The following ARFGEF1 variants were observed in gnomAD, a reference collection of about 807,000 sequenced individuals.
ARFGEF1 encodes brefeldin A-inhibited guanine nucleotide-exchange protein 1.
ARFGEF1 carries 42 observed loss-of-function variants against 231.0 expected under a neutral mutation model. The ratio of observed to expected loss-of-function variants is 0.18; its 90% CI spans 0.14 to 0.24. ARFGEF1 has a LOEUF of 0.24. ARFGEF1 is among the 10% of genes least tolerant of loss of function. The pLI is 1.00. For synonymous variants in ARFGEF1, 710 were observed against 732.3 expected (o/e 0.97, Z 0.49); for missense variants, 1,345 against 2,192.0 (o/e 0.61, Z 7.72).
downstream of ARFGEF1, chr8:67,197,648 G>T: frequency 5.1e-6 from 5 of 985,734 alleles, no homozygotes; most frequent in Non-Finnish European, 6.0e-6. Context: ...ATGGGGGTGG[G>T]TTATACAGGT....
chr8:67,270,412 C>G (rs1805028811), intron 10 of ARFGEF1, among the ~76,000 whole-genome samples: 1 of 152,066 alleles, frequency 6.6e-6, no homozygotes, highest in Non-Finnish European at 1.5e-5. Context: ...CTATTTTAGC[C>G]ATTTCGAAAT....
intron 1 of ARFGEF1, among the ~76,000 whole-genome samples, chr8:67,335,293 G>C (rs1466856601): frequency 6.6e-6 from 1 of 151,940 alleles, no homozygotes; most frequent in African/African-American, 2.4e-5. Flanking sequence ...TTTTAGTAGA[G>C]ACGGGGTTTC....
chr8:67,221,783 C>T (rs1265776518), intron 29 of ARFGEF1, among the ~76,000 whole-genome samples: 3 of 151,602 alleles, frequency 2.0e-5, no homozygotes, highest in Non-Finnish European at 4.4e-5. Flanking sequence ...ATGGTAAGTG[C>T]CCTATATGGG....
rs534314223 is a variant in ARFGEF1, at chr8:67,216,362, C to T, written c.4686+228G>A. On this transcript the variant is annotated intron_variant, in intron 33 of 38. Transcript: ENST00000262215. ...CTTCCACCACGTGAGAATGCAGCAA[C>T]GTGGTGCCATCTTGGAAGCAGAGAG... Among the ~76,000 whole-genome samples the T allele has an allele frequency of 2.0e-5, 3 of 152,142 alleles. No individual in the cohort carries two copies. In the East Asian group the frequency reaches 5.8e-4, roughly 29 times the overall value.
intron 29 of ARFGEF1, among the ~76,000 whole-genome samples, chr8:67,222,962 G>A (rs1379558788): frequency 1.3e-5 from 2 of 152,196 alleles, no homozygotes; most frequent in Non-Finnish European, 1.5e-5. Context: ...TGTGCAGGTT[G>A]TACCCAAGGA....
In ARFGEF1 at chr8:67,238,932, T is replaced by C. The variant is rs1205360554; in HGVS notation, c.2980-39A>G. The stretch of plus-strand genomic sequence containing the variant: ...AAAAGTATGTTTACACAGTTCTAAA[T>C]AGAGCAGACTGATTAATTCCCCACC... On this transcript the variant is annotated intron_variant, in intron 20 of 38. Coordinates refer to ENST00000262215, the MANE Select transcript of ARFGEF1 (RefSeq NM_006421.5). 4.0e-6 allele frequency: 6 copies of C among 1,494,588 alleles called. No homozygotes were observed. In the South Asian group the frequency reaches 5.2e-5, roughly 13 times the overall value. The allele number at this position is 1,494,588 out of a possible 1,614,324, so 92.6% of individuals were successfully genotyped here.
At chr8:67,243,161 C>CAT (rs1367568794) in intron 19 of ARFGEF1, among the ~76,000 whole-genome samples, 5 of 152,206 alleles carry the variant, frequency 3.3e-5, no homozygotes, top group Admixed American at 3.3e-4. Context: ...GCAAGAACTA[C>CAT]AGAGTCTGCA....
intron 1 of ARFGEF1, 77 bp downstream of exon 1, chr8:67,343,087 G>GTGC: frequency 2.1e-6 from 2 of 971,350 alleles, no homozygotes; most frequent in Non-Finnish European, 3.0e-6. Context: ...AGCCCCGGGC[G>GTGC]ACCCCACCCC....
intron 20 of ARFGEF1, among the ~76,000 whole-genome samples, chr8:67,239,204 C>T (rs1035045633): frequency 6.6e-6 from 1 of 151,866 alleles, no homozygotes; most frequent in South Asian, 2.1e-4. Context: ...GACGGGGTTT[C>T]ACCATGTTGG....
intron 6 of ARFGEF1, among the ~76,000 whole-genome samples, chr8:67,290,139 A>G (rs1184288066): frequency 1.3e-5 from 2 of 152,242 alleles, no homozygotes; most frequent in South Asian, 4.1e-4. Flanking sequence ...TATATCAGCT[A>G]TTGGGAGAAA....
At chr8:67,199,815 G>T (rs1036754227) in intron 38 of ARFGEF1, 1 of 167,366 alleles carries the variant, frequency 6.0e-6, no homozygotes, top group African/African-American at 2.4e-5. Context: ...TGAGCTGTAA[G>T]TTGCTATTTT....
At chr8:67,305,400 TTTTG>T (rs750879972) in intron 1 of ARFGEF1, among the ~76,000 whole-genome samples, 3 of 151,918 alleles carry the variant, frequency 2.0e-5, no homozygotes, top group Admixed American at 1.3e-4. Context: ...CTCTAGTTGT[TTTTG>T]TTTGTTTTTG....
chr8:67,328,210 T>A (rs995601828), intron 1 of ARFGEF1, among the ~76,000 whole-genome samples: 2 of 152,218 alleles, frequency 1.3e-5, no homozygotes, highest in Non-Finnish European at 2.9e-5. Flanking sequence ...GTACCTAGGC[T>A]GAAACTGTTA....
chr8:67,184,943 CAAAAAAAA>C (rs796384901), intron 5 of ARFGEF1, among the ~76,000 whole-genome samples: 4 of 56,086 alleles, frequency 7.1e-5, no homozygotes, highest in African/African-American at 2.0e-4. Context: ...ACTAAAAATA[CAAAAAAAA>C]AAAAAAAAAA....
At chr8:67,250,198 A>G (rs1840235965) in intron 19 of ARFGEF1, among the ~76,000 whole-genome samples, 1 of 152,172 alleles carries the variant, frequency 6.6e-6, no homozygotes, top group Non-Finnish European at 1.5e-5. Context: ...GCTTCAAGTA[A>G]GAAGCTGGCA....
intron 25 of ARFGEF1, 54 bp from the exon 26 acceptor site, chr8:67,227,652 A>G (rs1236940293): frequency 6.4e-7 from 1 of 1,558,918 alleles, no homozygotes; most frequent in African/African-American, 1.4e-5. Flanking sequence ...GTAAAAATCT[A>G]CAATTCTTTA....
intron 5 of ARFGEF1, among the ~76,000 whole-genome samples, chr8:67,189,079 A>G (rs1414421028): frequency 6.6e-6 from 1 of 152,138 alleles, no homozygotes; most frequent in Non-Finnish European, 1.5e-5. Context: ...ATACCACCAC[A>G]TACCTGCTAG....
Position 67,197,797 on chromosome 8 carries a change from T to C in ARFGEF1, c.*1137A>G. 1 of 985,896 alleles carries C rather than the reference T, an allele frequency of 1.0e-6. No homozygotes were observed. The highest frequency in any genetic ancestry group is 1.2e-6 in the Non-Finnish European group (1 of 829,922). 61.1% of individuals were successfully genotyped at this position (985,896 alleles called of 1,614,324 possible). On this transcript the variant is annotated 3_prime_UTR_variant, in exon 39 of 39. Coordinates refer to ENST00000262215, the MANE Select transcript of ARFGEF1 (RefSeq NM_006421.5). Reference sequence around the variant, plus strand: ...AAACTTTACATCTGTACCATATACATTTTGTCCATCTGAAAAAATTTTCTA... The same window carrying C: ...AAACTTTACATCTGTACCATATACACTTTGTCCATCTGAAAAAATTTTCTA...
Position 67,297,725 on chromosome 8 carries a change from G to C in ARFGEF1, c.460-1115C>G, listed in dbSNP as rs571775072. Among the ~76,000 whole-genome samples, 3 of 152,018 alleles carry C rather than the reference G, an allele frequency of 2.0e-5. No homozygotes were observed. In the East Asian group the frequency reaches 5.8e-4, roughly 29 times the overall value. On this transcript the variant is annotated intron_variant, in intron 4 of 38. Transcript: ENST00000262215. ...CTTTATGTTGTACAATGCTATGCAG[G>C]GTCAGCATTAATGGGCATTATCTTA...
Sources: gnomAD v4.1 joint callset for allele counts (sites outside exome capture counted in the v4.1 genomes callset) on GRCh38, gnomAD v4.1.1 for gene constraint, MANE v1.5 for transcripts, NCBI Gene and HGNC (gene_info 2026-07-23, HGNC 2026-07-21) for gene names.